The following KCNH4 variants were observed in gnomAD, a reference collection of about 807,000 sequenced individuals.
KCNH4 encodes voltage-gated delayed rectifier potassium channel KCNH4.
In KCNH4, 33 loss-of-function variants were observed where a neutral mutation model predicts 90.7. The ratio of observed to expected loss-of-function variants is 0.36; its 90% CI spans 0.28 to 0.49. The LOEUF (loss-of-function observed/expected upper bound fraction) is 0.49, where lower values mean the gene tolerates loss of function less well. Ranked by LOEUF, KCNH4 falls within the 20% of genes least tolerant of loss-of-function variation. KCNH4 has a pLI of 0.98. For synonymous variants in KCNH4, 551 were observed against 581.7 expected (o/e 0.95, Z 0.76); for missense variants, 1,044 against 1,387.1 (o/e 0.75, Z 3.93).
At chr17:42,167,529 G>A (rs964505397) in intron 9 of KCNH4, among the ~76,000 whole-genome samples, 5 of 152,132 alleles carry the variant, frequency 3.3e-5, no homozygotes, top group South Asian at 4.1e-4. Context: ...GCCTCCCAAA[G>A]TGCTGGGATT....
At chr17:42,165,791 G>A in intron 10 of KCNH4, 98 bp from the exon 11 acceptor site, 1 of 1,447,252 alleles carries the variant, frequency 6.9e-7, no homozygotes, top group Non-Finnish European at 9.6e-7. Context: ...CAGTGTGTTT[G>A]AAGGATGGTT....
At chr17:42,159,144 C>T (rs976287139) in intron 16 of KCNH4, among the ~76,000 whole-genome samples, 4 of 152,110 alleles carry the variant, frequency 2.6e-5, no homozygotes, top group African/African-American at 9.7e-5. Context: ...TCTCCTGCCT[C>T]AGCCTCCCGA....
At chr17:42,158,864 T>A (rs1437900053) in intron 16 of KCNH4, among the ~76,000 whole-genome samples, 3 of 151,380 alleles carry the variant, frequency 2.0e-5, no homozygotes, top group South Asian at 2.1e-4. Context: ...ATATTTTTTT[T>A]ATAGAGATAG....
Position 42,163,588 on chromosome 17 carries a change from G to A in KCNH4, c.2477+18C>T. The A allele has an allele frequency of 1.7e-6, 2 of 1,177,128 alleles. No homozygotes were observed. Among genetic ancestry groups the A allele is most frequent in the Non-Finnish European group, 1.2e-6 (1 of 827,066 alleles). The allele number at this position is 1,177,128 out of a possible 1,614,324, so 72.9% of individuals were successfully genotyped here. ...GCCAATAGGGGTTTTGGGAAAGCAG[G>A]GGAGGCTGGCGTCTCACCGGGGACT... On this transcript the variant is annotated intron_variant, in intron 13 of 16. Coordinates refer to ENST00000264661, the MANE Select transcript of KCNH4 (RefSeq NM_012285.3). This position sits in a 1 kb window ranked among gnomAD's most constrained non-coding sequence, Gnocchi z 5.4.
chr17:42,163,486 G>A lies in KCNH4; in HGVS notation c.2477+120C>T. On this transcript the variant is annotated intron_variant, in intron 13 of 16. Transcript: ENST00000264661. The surrounding 1 kb of genome is among the most constrained non-coding windows in gnomAD (Gnocchi z 5.4). ...GGTTGCAAGCTGTGGTTGGAAGGGT[G>A]CGGTGGGCACACGGGCAGAGACGGA... 2 of 745,946 alleles carry A rather than the reference G, an allele frequency of 2.7e-6. No individual in the cohort carries two copies. The highest frequency in any genetic ancestry group is 2.2e-6 in the Non-Finnish European group (1 of 446,528). The allele number at this position is 745,946 out of a possible 1,614,324, so 46.2% of individuals were successfully genotyped here.
chr17:42,172,200 A>G (rs2079831889), intron 6 of KCNH4, among the ~76,000 whole-genome samples: 1 of 150,936 alleles, frequency 6.6e-6, no homozygotes, highest in Non-Finnish European at 1.5e-5. Flanking sequence ...AACACTTTGT[A>G]ATTACTTTTT....
At chr17:42,165,133 C>T (rs978486796) in intron 11 of KCNH4, among the ~76,000 whole-genome samples, 7 of 150,714 alleles carry the variant, frequency 4.6e-5, no homozygotes, top group African/African-American at 1.7e-4. Flanking sequence ...CCCAAAAAAA[C>T]AAAAACAAAA....
intron 6 of KCNH4, among the ~76,000 whole-genome samples, chr17:42,174,682 G>T (rs912005345): frequency 6.6e-6 from 1 of 152,088 alleles, no homozygotes; most frequent in Non-Finnish European, 1.5e-5. Flanking sequence ...ACCCAAGGGG[G>T]CCTGGGGACA....
Position 42,165,704 on chromosome 17 carries a change from G to T in KCNH4, c.1841-11C>A, listed in dbSNP as rs370188229. ...TCAGGTCCCCCTTCCCTGTAGGTAA[G>T]GGATGGGGACAGTCAGCTGGGGCAG... On this transcript the variant is annotated splice_polypyrimidine_tract_variant and intron_variant, in intron 10 of 16. Transcript: ENST00000264661. The T allele has an allele frequency of 1.3e-5, 21 of 1,613,982 alleles. No homozygotes were observed. The highest frequency in any genetic ancestry group is 1.3e-5 in the Non-Finnish European group (15 of 1,179,994).
chr17:42,178,817 C>T lies in KCNH4; in HGVS notation c.286G>A (p.Glu96Lys). The T allele has an allele frequency of 6.2e-7, 1 of 1,613,782 alleles. No individual in the cohort carries two copies. Among genetic ancestry groups the T allele is most frequent in the Non-Finnish European group, 8.5e-7 (1 of 1,179,932 alleles). The change falls in exon 2 of 17, where the codon GAA (glutamate) becomes AAA (lysine). Residue 96 changes from glutamate (E) to lysine (K), a missense_variant. Physicochemically the swap from Glu to Lys is moderately conservative, Grantham distance 56. Coordinates refer to ENST00000264661, the MANE Select transcript of KCNH4 (RefSeq NM_012285.3). ...ALEGHQEHRA[E>K]ICFYRKDGSA... is the part of the protein sequence containing the mutation. Reference sequence around the variant, plus strand: ...CCATCCTTGCGGTAGAAGCAGATTTCAGCCCGGTGCTCCTGGTGGCCCTCC... The same window carrying T: ...CCATCCTTGCGGTAGAAGCAGATTTTAGCCCGGTGCTCCTGGTGGCCCTCC...
chr17:42,163,895 T>C lies in KCNH4; in HGVS notation c.2188A>G (p.Ser730Gly). The C allele has an allele frequency of 7.1e-6, 11 of 1,545,500 alleles. No homozygotes were observed. Among genetic ancestry groups the C allele is most frequent in the Non-Finnish European group, 7.9e-6 (9 of 1,145,248 alleles). ...KTLPSITEAE[S>G]GAEPGGGPRP... ...GGACCACCCCCAGGCTCCGCGCCAC[T>C]CTCGGCCTCTGTGATGGATGGCAGC... Residue 730 changes from serine to glycine, a missense_variant, in exon 13 of 17, where the codon AGT (serine) becomes GGT (glycine). By Grantham distance (56) the Ser-to-Gly change is moderately conservative. Coordinates refer to ENST00000264661, the MANE Select transcript of KCNH4 (RefSeq NM_012285.3). The surrounding 1 kb of genome is among the most constrained non-coding windows in gnomAD (Gnocchi z 5.4).
At chr17:42,168,682 T>C (rs2079804228) in intron 9 of KCNH4, among the ~76,000 whole-genome samples, 1 of 152,200 alleles carries the variant, frequency 6.6e-6, no homozygotes. Context: ...AATTTGTATT[T>C]TGGGCAAATG....
At chr17:42,164,029 CGCCG>C in intron 12 of KCNH4, 71 bp from the exon 13 acceptor site, 1 of 1,503,382 alleles carries the variant, frequency 6.7e-7, no homozygotes, top group South Asian at 1.2e-5. Flanking sequence ...TAAGAGCCTT[CGCCG>C]GCGGATGCAG....
intron 9 of KCNH4, among the ~76,000 whole-genome samples, chr17:42,168,240 C>G (rs1472138450): frequency 6.6e-6 from 1 of 152,208 alleles, no homozygotes; most frequent in Non-Finnish European, 1.5e-5. Flanking sequence ...TCTAAGCTCT[C>G]TGTGCCCAGC....
intron 6 of KCNH4, among the ~76,000 whole-genome samples, chr17:42,174,869 A>G (rs1162825249): frequency 3.9e-5 from 6 of 152,060 alleles, no homozygotes; most frequent in Non-Finnish European, 7.4e-5. Context: ...TAGGTTTACT[A>G]TGCTCCCCCA....
chr17:42,172,451 C>T (rs769693999), intron 6 of KCNH4, among the ~76,000 whole-genome samples: 2 of 150,786 alleles, frequency 1.3e-5, no homozygotes, highest in Admixed American at 1.3e-4. Context: ...GGATTACAAG[C>T]GTGAGCCACT....
intron 2 of KCNH4, 93 bp downstream of exon 2, chr17:42,178,700 G>A (rs1339931206): frequency 1.8e-5 from 22 of 1,232,210 alleles, no homozygotes; most frequent in Middle Eastern, 5.2e-4. Context: ...TTGGCAGTGT[G>A]GGGACAAGCA....
At chr17:42,164,226 AC>A in intron 11 of KCNH4, 58 bp from the exon 12 acceptor site, 2 of 1,450,712 alleles carry the variant, frequency 1.4e-6, no homozygotes, top group Non-Finnish European at 1.9e-6. Context: ...CATAGCGCAG[AC>A]CCTCCCTGTC....
intron 8 of KCNH4, 147 bp downstream of exon 8, chr17:42,169,960 A>T: frequency 1.1e-6 from 1 of 871,088 alleles, no homozygotes; most frequent in South Asian, 1.8e-5. Flanking sequence ...CATAGTGGGC[A>T]CTCAGGAAAC....
Sources: allele counts gnomAD v4.1 joint callset (sites outside exome capture counted in the v4.1 genomes callset), GRCh38; gene constraint gnomAD v4.1.1; non-coding constraint Gnocchi (gnomAD v3.1); transcripts MANE v1.5; gene names NCBI Gene and HGNC (gene_info 2026-07-23, HGNC 2026-07-21).